Variants in SEPTIN11 observed in about 807,000 individuals in gnomAD.
The protein encoded by SEPTIN11 is septin 11.
Under a neutral mutation model 51.4 loss-of-function variants are expected in SEPTIN11, and 25 were observed. That is an observed-to-expected ratio of 0.49 (90% confidence interval 0.35 to 0.68). SEPTIN11 has a LOEUF of 0.68. SEPTIN11 is among the 30% of genes least tolerant of loss of function. SEPTIN11 has a pLI of 0.00. For missense variants in SEPTIN11, 381 were observed against 520.8 expected (o/e 0.73, Z 2.61); for synonymous variants, 174 against 184.1 (o/e 0.95, Z 0.44).
At chr4:77,039,357 G>T, downstream of SEPTIN11, 1 of 1,093,402 alleles carries the variant, frequency 9.1e-7, no homozygotes, top group Non-Finnish European at 1.1e-6. Context: ...AACAGAAAAC[G>T]TGGGCCAAGA....
intron 7 of SEPTIN11, among the ~76,000 whole-genome samples, chr4:77,028,216 G>C (rs1430881758): frequency 6.6e-6 from 1 of 152,154 alleles, no homozygotes; most frequent in African/African-American, 2.4e-5. Flanking sequence ...GCTTTTCTAA[G>C]AACAGCCGGT....
chr4:76,979,649 C>T (rs1722666268), intron 1 of SEPTIN11, among the ~76,000 whole-genome samples: 1 of 151,946 alleles, frequency 6.6e-6, no homozygotes, highest in South Asian at 2.1e-4. Context: ...TTTGGGAGGT[C>T]AAGGCAGGCG....
intron 1 of SEPTIN11, chr4:76,958,931 T>G: frequency 7.6e-7 from 1 of 1,322,822 alleles, no homozygotes. Flanking sequence ...TTGTCCCTTC[T>G]TAAAAAACTG....
At chr4:76,983,517 G>A (rs1411416993) in intron 1 of SEPTIN11, among the ~76,000 whole-genome samples, 1 of 152,162 alleles carries the variant, frequency 6.6e-6, no homozygotes, top group Non-Finnish European at 1.5e-5. Flanking sequence ...TGATAACCCA[G>A]GCAGAAAGTC....
At chr4:76,975,269 G>C (rs1264873788) in intron 1 of SEPTIN11, among the ~76,000 whole-genome samples, 1 of 152,052 alleles carries the variant, frequency 6.6e-6, no homozygotes, top group East Asian at 1.9e-4. Flanking sequence ...CATAGAACGT[G>C]GTTGGAAAAC....
At chr4:76,974,291 G>A (rs1162112217) in intron 1 of SEPTIN11, among the ~76,000 whole-genome samples, 1 of 152,078 alleles carries the variant, frequency 6.6e-6, no homozygotes, top group Non-Finnish European at 1.5e-5. Flanking sequence ...CCTTTGCCAT[G>A]GTACTGGTCC....
rs868318139 is a variant in SEPTIN11, at chr4:77,024,483, C to T, written c.953+3813C>T. 3.3e-5 allele frequency among the ~76,000 whole-genome samples: 5 copies of T among 152,064 alleles called. No homozygotes were observed. Among genetic ancestry groups the T allele is most frequent in the Admixed American group, 6.5e-5 (1 of 15,268 alleles). On this transcript the variant is annotated intron_variant, in intron 7 of 9. Transcript: ENST00000264893. The surrounding 1 kb of genome is among the most constrained non-coding windows in gnomAD (Gnocchi z 4.2). ...TGGCATTATAGGGTAGAAGAGGAGA[C>T]GTCACGTGTCTCCCATGAGCCACTC...
At chr4:76,990,048 G>A (rs1034299988) in intron 1 of SEPTIN11, among the ~76,000 whole-genome samples, 1 of 152,122 alleles carries the variant, frequency 6.6e-6, no homozygotes, top group Non-Finnish European at 1.5e-5. Flanking sequence ...GCGTGGAAGG[G>A]GACCTGAGCG....
chr4:76,954,383 T>G (rs566492186), intron 1 of SEPTIN11, among the ~76,000 whole-genome samples: 1 of 152,336 alleles, frequency 6.6e-6, no homozygotes, highest in East Asian at 1.9e-4. Context: ...GCTGAACCAT[T>G]ATTTAAATGA....
At chr4:77,000,044 C>G (rs1724013782) in intron 2 of SEPTIN11, among the ~76,000 whole-genome samples, 1 of 152,192 alleles carries the variant, frequency 6.6e-6, no homozygotes, top group African/African-American at 2.4e-5. Flanking sequence ...ATGATACTAA[C>G]TCTACGAAAA....
intron 7 of SEPTIN11, among the ~76,000 whole-genome samples, chr4:77,025,576 A>T (rs1250919027): frequency 6.6e-6 from 1 of 151,922 alleles, no homozygotes; most frequent in Admixed American, 6.6e-5. Context: ...ATCACTTTGG[A>T]TATCTTTACT....
intron 5 of SEPTIN11, among the ~76,000 whole-genome samples, chr4:77,015,308 G>A (rs761528603): frequency 4.3e-4 from 66 of 152,310 alleles, no homozygotes; most frequent in Non-Finnish European, 8.8e-4. Context: ...TTCATAAAAA[G>A]CAGCTCAAAG....
intron 8 of SEPTIN11, 41 bp downstream of exon 8, chr4:77,028,802 G>C (rs1212850967): frequency 1.9e-6 from 3 of 1,577,626 alleles, no homozygotes; most frequent in African/African-American, 2.7e-5. Context: ...ATTTGTAAGA[G>C]AGAGATTTTC....
chr4:77,039,219 G>A (rs554898149), downstream of SEPTIN11: 1 of 1,243,414 alleles, frequency 8.0e-7, no homozygotes, highest in East Asian at 5.7e-5. Flanking sequence ...TTAAAGTCTG[G>A]GTCAAATATT....
chr4:77,010,541 A>T (rs1273647661), intron 3 of SEPTIN11, among the ~76,000 whole-genome samples: 1 of 151,876 alleles, frequency 6.6e-6, no homozygotes, highest in Non-Finnish European at 1.5e-5. Context: ...AAAGAAAAAT[A>T]TCAAAAAGCT....
At chr4:76,953,879 C>T (rs28485130) in intron 1 of SEPTIN11, among the ~76,000 whole-genome samples, 1,581 of 152,212 alleles carry the variant, frequency 0.01, 13 homozygotes, top group Non-Finnish European at 0.015. Flanking sequence ...AACAAAACTG[C>T]CCATAACCCA....
At chr4:77,019,013 T>C in intron 5 of SEPTIN11, 152 bp from the exon 6 acceptor site, 2 of 612,736 alleles carry the variant, frequency 3.3e-6, no homozygotes, top group South Asian at 3.9e-5. Context: ...ATAAGGGGGG[T>C]GGGATACGTG....
chr4:76,950,041 G>GCGA (rs1553965862), intron 1 of SEPTIN11, 111 bp downstream of exon 1: 8 of 1,172,752 alleles, frequency 6.8e-6, no homozygotes, highest in Non-Finnish European at 8.9e-6. Flanking sequence ...CCCCGCGGCG[G>GCGA]CGGCGACGGC....
intron 1 of SEPTIN11, among the ~76,000 whole-genome samples, chr4:76,994,060 C>T (rs552056815): frequency 6.6e-6 from 1 of 152,248 alleles, no homozygotes; most frequent in Admixed American, 6.5e-5. Flanking sequence ...AAACCATTCT[C>T]CCCTCCCCCT....
Sources: allele counts gnomAD v4.1 joint callset (sites outside exome capture counted in the v4.1 genomes callset), GRCh38; gene constraint gnomAD v4.1.1; non-coding constraint Gnocchi (gnomAD v3.1); transcripts MANE v1.5; gene names NCBI Gene and HGNC (gene_info 2026-07-23, HGNC 2026-07-21).